Variants in NLK observed in about 807,000 individuals in gnomAD.
NLK encodes the protein nemo like kinase.
A neutral mutation model predicts 59.0 loss-of-function variants in NLK; 11 were observed. The observed-to-expected ratio is 0.19, with a 90% CI of 0.12 to 0.31. The LOEUF (loss-of-function observed/expected upper bound fraction) is 0.31, where lower values mean the gene tolerates loss of function less well. NLK is among the 10% of genes least tolerant of loss of function. NLK has a pLI of 1.00. For synonymous variants in NLK, 235 were observed against 235.9 expected, an observed-to-expected ratio of 1.00 and a Z score of 0.03; for missense variants, 410 against 661.1, an observed-to-expected ratio of 0.62 and a Z score of 4.16.
chr17:28,126,516 G>A (rs1196051227), intron 2 of NLK, among the ~76,000 whole-genome samples: 3 of 152,166 alleles, frequency 2.0e-5, no homozygotes, highest in African/African-American at 7.2e-5. Flanking sequence ...GATAAAAATG[G>A]CATTTAGAAA....
chr17:28,115,930 T>TTAGA (rs1452631569), intron 1 of NLK, among the ~76,000 whole-genome samples: 4 of 151,942 alleles, frequency 2.6e-5, no homozygotes, highest in Admixed American at 1.3e-4. Context: ...TTTTGTATAA[T>TTAGA]TAGACCCCAT....
At chr17:28,114,038 T>A (rs1248495336) in intron 1 of NLK, among the ~76,000 whole-genome samples, 1 of 152,202 alleles carries the variant, frequency 6.6e-6, no homozygotes, top group Non-Finnish European at 1.5e-5. Flanking sequence ...TTTGTAAGAT[T>A]TATCTATGTT....
intron 8 of NLK, among the ~76,000 whole-genome samples, chr17:28,188,936 A>C (rs1198485517): frequency 6.6e-6 from 1 of 151,976 alleles, no homozygotes; most frequent in African/African-American, 2.4e-5. Context: ...ATTCAGTCTA[A>C]GAGCAGGTGT....
At chr17:28,052,189 T>C (rs539462983) in intron 1 of NLK, among the ~76,000 whole-genome samples, 5 of 152,340 alleles carry the variant, frequency 3.3e-5, no homozygotes, top group African/African-American at 7.2e-5. Context: ...TTTTAGACTT[T>C]AAAAACTTGC....
At chr17:28,044,767 CG>C (rs1177146866) in intron 1 of NLK, among the ~76,000 whole-genome samples, 1 of 152,114 alleles carries the variant, frequency 6.6e-6, no homozygotes, top group African/African-American at 2.4e-5. Flanking sequence ...GACAGGAAAA[CG>C]GTTGTTCCTT....
At chr17:28,079,267 C>G (rs1910265770) in intron 1 of NLK, among the ~76,000 whole-genome samples, 1 of 152,060 alleles carries the variant, frequency 6.6e-6, no homozygotes, top group Non-Finnish European at 1.5e-5. Flanking sequence ...CTTTATTTAT[C>G]CATTGATAGA....
chr17:28,094,196 T>C (rs1904613400), intron 1 of NLK, among the ~76,000 whole-genome samples: 1 of 152,214 alleles, frequency 6.6e-6, no homozygotes, highest in African/African-American at 2.4e-5. Context: ...CTTCAGAACG[T>C]CCTAGAATTT....
In NLK at chr17:28,160,947, C is replaced by T. The variant is rs150224118; in HGVS notation, c.645-213C>T. On this transcript the variant is annotated intron_variant, in intron 3 of 10. Transcript: ENST00000407008. ...GCTGATTATAAGGAAATCATTTGGT[C>T]GTTTACTTCTGCTGACTTTTAAACA... 6.0e-3 allele frequency among the ~76,000 whole-genome samples: 910 copies of T among 152,228 alleles called. 8 individuals carry two copies. The highest frequency in any genetic ancestry group is 9.3e-3 in the South Asian group (45 of 4,830).
At chr17:28,126,647 T>C (rs980745054) in intron 2 of NLK, among the ~76,000 whole-genome samples, 3 of 152,214 alleles carry the variant, frequency 2.0e-5, no homozygotes, top group Non-Finnish European at 4.4e-5. Flanking sequence ...AAAGTCACTG[T>C]ATCAAATTCA....
At chr17:28,141,116 G>C (rs1398274948) in intron 3 of NLK, among the ~76,000 whole-genome samples, 1 of 152,196 alleles carries the variant, frequency 6.6e-6, no homozygotes, top group Non-Finnish European at 1.5e-5. Flanking sequence ...AGTGGGTACT[G>C]TGAACAAATG....
intron 1 of NLK, among the ~76,000 whole-genome samples, chr17:28,098,950 G>A (rs1009451701): frequency 6.6e-5 from 10 of 151,932 alleles, no homozygotes; most frequent in African/African-American, 2.4e-4. Context: ...CCAAAGTGCT[G>A]GGATTACAGG....
chr17:28,162,657 C>T (rs1908059281), intron 4 of NLK, among the ~76,000 whole-genome samples: 1 of 151,996 alleles, frequency 6.6e-6, no homozygotes, highest in Non-Finnish European at 1.5e-5. Context: ...AAAACGTTCA[C>T]CTCTAAGATT....
At chr17:28,190,706 A>G (rs926664004) in intron 8 of NLK, among the ~76,000 whole-genome samples, 1 of 152,132 alleles carries the variant, frequency 6.6e-6, no homozygotes, top group African/African-American at 2.4e-5. Flanking sequence ...AAAGCACTAC[A>G]TAGTTAAATG....
Position 28,145,384 on chromosome 17 carries a change from T to C in NLK, c.644+12709T>C, listed in dbSNP as rs36081248. The stretch of plus-strand genomic sequence containing the variant: ...AAGAAACGCTTCAGGTTATTAACCC[T>C]TTACCAAAACCAGGAGTTACCTTCT... On this transcript the variant is annotated intron_variant, in intron 3 of 10. Transcript: ENST00000407008. Among the ~76,000 whole-genome samples, 1,000 of 152,296 alleles carry C rather than the reference T, an allele frequency of 6.6e-3. 17 individuals are homozygous for C. The highest frequency in any genetic ancestry group is 0.022 in the African/African-American group (934 of 41,554).
At chr17:28,144,396 CAAAAAA>C (rs984366292) in intron 3 of NLK, among the ~76,000 whole-genome samples, 3 of 81,586 alleles carry the variant, frequency 3.7e-5, no homozygotes, top group Non-Finnish European at 5.7e-5. Context: ...CAGGTGAAGC[CAAAAAA>C]AAAAAAAAAA....
intron 1 of NLK, among the ~76,000 whole-genome samples, chr17:28,092,469 T>C (rs1356493721): frequency 3.9e-5 from 6 of 152,188 alleles, no homozygotes; most frequent in Non-Finnish European, 4.4e-5. Flanking sequence ...TTTTTCTCTT[T>C]GGAGGAAGCC....
chr17:28,043,008 C>T lies in NLK; in HGVS notation c.135C>T (p.His45=). Residue 45 remains histidine, a synonymous_variant, in exon 1 of 11, where the codon CAC becomes CAT. Transcript: ENST00000407008. Reference sequence around the variant, plus strand: ...ACCTCCCTCCTCCTCACCTGCACCACCACCACCACCCTCAACACCATCTTC... The same window carrying T: ...ACCTCCCTCCTCCTCACCTGCACCATCACCACCACCCTCAACACCATCTTC... ...LPHLPPPHLH[H]HHHPQHHLHP... The T allele has an allele frequency of 1.3e-6, 2 of 1,556,532 alleles. No homozygotes were observed. Among genetic ancestry groups the T allele is most frequent in the East Asian group, 4.8e-5 (2 of 41,380 alleles).
intron 1 of NLK, among the ~76,000 whole-genome samples, chr17:28,047,299 G>A (rs1597650290): frequency 6.6e-6 from 1 of 152,328 alleles, no homozygotes; most frequent in East Asian, 1.9e-4. Context: ...GGTGAAATCA[G>A]CATGCAGACT....
chr17:28,130,978 T>C (rs1206105845), intron 2 of NLK, among the ~76,000 whole-genome samples: 1 of 152,134 alleles, frequency 6.6e-6, no homozygotes, highest in Non-Finnish European at 1.5e-5. Context: ...TATACCAAAA[T>C]TCTAAATATA....
Sources: gnomAD v4.1 joint callset for allele counts (sites outside exome capture counted in the v4.1 genomes callset) on GRCh38, gnomAD v4.1.1 for gene constraint, MANE v1.5 for transcripts, NCBI Gene and HGNC (gene_info 2026-07-23, HGNC 2026-07-21) for gene names.